Variants in NSL1 observed in about 807,000 individuals in gnomAD.
NSL1 encodes the protein NSL1 component of MIS12 kinetochore complex.
In NSL1, 11 loss-of-function variants were observed where a neutral mutation model predicts 25.4. The observed-to-expected ratio is 0.43, with a 90% CI of 0.27 to 0.72. The LOEUF is 0.72. NSL1 is among the 30% of genes least tolerant of loss of function. The probability of loss-of-function intolerance (pLI) is 0.19; values close to 1 mark genes in which losing one functional copy is unlikely to be tolerated. For missense variants in NSL1, 330 were observed against 342.7 expected (o/e 0.96, Z 0.29); for synonymous variants, 118 against 120.6 (o/e 0.98, Z 0.14).
chr1:212,735,460 A>C lies in NSL1; in HGVS notation c.*2948T>G, dbSNP rs1346832088. On this transcript the variant is annotated 3_prime_UTR_variant, in exon 6 of 6. Coordinates refer to ENST00000366977, the MANE Select transcript of NSL1 (RefSeq NM_015471.4). ...TGAAATCATACTGTTTGAAGCAATA[A>C]AAAATTTGGTTTTATTCACTTTGTC... 1 of 985,330 alleles carries C rather than the reference A, an allele frequency of 1.0e-6. No individual in the cohort carries two copies. Among genetic ancestry groups the C allele is most frequent in the Admixed American group, 6.1e-5 (1 of 16,268 alleles). 61.0% of individuals were successfully genotyped at this position (985,330 alleles called of 1,614,324 possible). A position where few individuals can be genotyped will look rare whatever the true frequency, so the allele number is the denominator to read the frequency against.
Position 212,737,916 on chromosome 1 carries a change from T to C in NSL1, c.*492A>G, listed in dbSNP as rs982691873. On this transcript the variant is annotated 3_prime_UTR_variant, in exon 6 of 6. Coordinates refer to ENST00000366977, the MANE Select transcript of NSL1 (RefSeq NM_015471.4). The stretch of plus-strand genomic sequence containing the variant: ...CCAGTATTATCATCAGCACATTAAT[T>C]TGATAAATCAAACTACATCTTTAAA... The C allele has an allele frequency of 1.3e-4, 130 of 985,594 alleles. No individual in the cohort carries two copies. In the African/African-American group the frequency reaches 2.1e-3, roughly 16 times the overall value. The allele number at this position is 985,594 out of a possible 1,614,324, so 61.1% of individuals were successfully genotyped here.
At position 212,732,874 on chromosome 1, in the gene NSL1, T is replaced by C. The variant is rs1208535028; in HGVS notation, c.*5534A>G. ...TGACTGTGTATAAAAGCCTAGGTTG[T>C]ATATCATTTATGCTGAGAATATTTC... On this transcript the variant is annotated 3_prime_UTR_variant, in exon 6 of 6. Transcript: ENST00000366977. Among the ~76,000 whole-genome samples the C allele has an allele frequency of 3.3e-5, 5 of 152,232 alleles. No individual in the cohort carries two copies. The highest frequency in any genetic ancestry group is 6.5e-5 in the Admixed American group (1 of 15,290).
At chr1:212,741,983 G>A (rs1658526981) in intron 4 of NSL1, among the ~76,000 whole-genome samples, 1 of 152,010 alleles carries the variant, frequency 6.6e-6, no homozygotes, top group Non-Finnish European at 1.5e-5. Context: ...TACAATGCCT[G>A]GAAGACATCA....
rs147775510 is a variant in NSL1 at position 212,730,747 on chromosome 1, C to A, written c.*7661G>T. 67 of 985,332 alleles carry A rather than the reference C, an allele frequency of 6.8e-5. No individual in the cohort carries two copies. Among genetic ancestry groups the A allele is most frequent in the East Asian group, 3.4e-4 (3 of 8,812 alleles). The allele number at this position is 985,332 out of a possible 1,614,324, so 61.0% of individuals were successfully genotyped here. On this transcript the variant is annotated 3_prime_UTR_variant, in exon 6 of 6. Coordinates refer to ENST00000366977, the MANE Select transcript of NSL1 (RefSeq NM_015471.4). ...GGGAATTAGACTTAGTTCTAGTAGA[C>A]GTAGTTCTAGTAGACAGGAGACTCT...
intron 4 of NSL1, among the ~76,000 whole-genome samples, chr1:212,778,737 C>G (rs1006537800): frequency 1.2e-4 from 18 of 152,032 alleles, no homozygotes; most frequent in Admixed American, 9.8e-4. Context: ...GTGGCGTGAT[C>G]TCGGCTCGCT....
rs1266425262 is a variant in NSL1, at chr1:212,729,074, AT to A, written c.*9333del. ...TGGGTTGGGCTTACAAGAAAAATAA[AT>A]TGCAGTAAGTGTTAAAACTTGCCAG... is the stretch of plus-strand genomic sequence containing the variant. On this transcript the variant is annotated 3_prime_UTR_variant, in exon 6 of 6. Transcript: ENST00000366977. The A allele has an allele frequency of 1.0e-6, 1 of 985,344 alleles. No individual in the cohort carries two copies. Among genetic ancestry groups the A allele is most frequent in the Non-Finnish European group, 1.2e-6 (1 of 829,930 alleles). 61.0% of individuals were successfully genotyped at this position (985,344 alleles called of 1,614,324 possible).
intron 4 of NSL1, among the ~76,000 whole-genome samples, chr1:212,747,336 C>T (rs1658847835): frequency 6.6e-6 from 1 of 152,212 alleles, no homozygotes; most frequent in African/African-American, 2.4e-5. Context: ...ATTCCCTATG[C>T]CTTTCAGATC....
At chr1:212,770,521 A>G (rs1381211115) in intron 4 of NSL1, among the ~76,000 whole-genome samples, 1 of 152,152 alleles carries the variant, frequency 6.6e-6, no homozygotes, top group African/African-American at 2.4e-5. Flanking sequence ...TGAATAGACC[A>G]ATAACACATA....
In NSL1 at chr1:212,731,981, A is replaced by G. The variant is rs1455185089; in HGVS notation, c.*6427T>C. On this transcript the variant is annotated 3_prime_UTR_variant, in exon 6 of 6. Transcript: ENST00000366977. The stretch of plus-strand genomic sequence containing the variant: ...TCTAACTGTTCAGTGCCTGTGCTGT[A>G]CTAATTGCTAATTCCCATCCTTTAG... 5.1e-6 allele frequency: 5 copies of G among 984,232 alleles called. No individual in the cohort carries two copies. The highest frequency in any genetic ancestry group is 3.6e-6 in the Non-Finnish European group (3 of 829,800). 61.0% of individuals were successfully genotyped at this position (984,232 alleles called of 1,614,324 possible). A position where few individuals can be genotyped will look rare whatever the true frequency, so the allele number is the denominator to read the frequency against.
At chr1:212,768,527 A>C (rs1263922955) in intron 4 of NSL1, among the ~76,000 whole-genome samples, 1 of 152,174 alleles carries the variant, frequency 6.6e-6, no homozygotes, top group East Asian at 1.9e-4. Context: ...AGAAAATGTG[A>C]ATCCTACTCA....
At chr1:212,787,975 T>G (rs1253247372) in intron 1 of NSL1, among the ~76,000 whole-genome samples, 1 of 152,206 alleles carries the variant, frequency 6.6e-6, no homozygotes, top group Non-Finnish European at 1.5e-5. Context: ...AAGTACTATA[T>G]ATGCTGCTGA....
intron 4 of NSL1, among the ~76,000 whole-genome samples, chr1:212,744,841 A>G (rs532129472): frequency 1.3e-5 from 2 of 152,292 alleles, no homozygotes; most frequent in Admixed American, 1.3e-4. Flanking sequence ...CAAGCCCATC[A>G]ATATATGCAT....
chr1:212,728,089 CCT>C lies in NSL1; in HGVS notation c.*10317_*10318del. On this transcript the variant is annotated 3_prime_UTR_variant, in exon 6 of 6. Coordinates refer to ENST00000366977, the MANE Select transcript of NSL1 (RefSeq NM_015471.4). ...CCAGGCACTTCCCTTCTCATCTCCACCTCTTTCTCATGAAATGGGCGTGGTAA... is the reference window on the plus strand; with the variant it reads ...CCAGGCACTTCCCTTCTCATCTCCACCTTTCTCATGAAATGGGCGTGGTAA... 1.0e-6 allele frequency: 1 copy of C among 984,094 alleles called. No homozygotes were observed. Among genetic ancestry groups the C allele is most frequent in the African/African-American group, 1.7e-5 (1 of 57,318 alleles). 61.0% of individuals were successfully genotyped at this position (984,094 alleles called of 1,614,324 possible). A position where few individuals can be genotyped will look rare whatever the true frequency, so the allele number is the denominator to read the frequency against.
At position 212,765,428 on chromosome 1, in the gene NSL1, AAC is replaced by A. The variant is rs148826649; in HGVS notation, c.499+16942_499+16943del. Among the ~76,000 whole-genome samples, 782 of 152,356 alleles carry A rather than the reference AAC, an allele frequency of 5.1e-3. 4 individuals are homozygous for A. Among genetic ancestry groups the A allele is most frequent in the African/African-American group, 0.018 (745 of 41,572 alleles). The stretch of plus-strand genomic sequence containing the variant: ...CAAACTAGGGATGCAGGGATGGTTT[AAC>A]ATATGCAAGTCAATAAACATGCTAC... On this transcript the variant is annotated intron_variant, in intron 4 of 5. Coordinates refer to ENST00000366977, the MANE Select transcript of NSL1 (RefSeq NM_015471.4).
chr1:212,727,197 G>T lies in NSL1; in HGVS notation c.*11211C>A, dbSNP rs762938084. The stretch of plus-strand genomic sequence containing the variant: ...CTTGGCTCCTAATGTGTTAAATGGG[G>T]GTGAATGGAATTTAGAAGATCTCTT... On this transcript the variant is annotated 3_prime_UTR_variant, in exon 6 of 6. Transcript: ENST00000366977. The T allele has an allele frequency of 6.5e-7, 1 of 1,533,050 alleles. No individual in the cohort carries two copies. The highest frequency in any genetic ancestry group is 8.8e-7 in the Non-Finnish European group (1 of 1,139,238). The allele number at this position is 1,533,050 out of a possible 1,614,324, so 95.0% of individuals were successfully genotyped here.
rs540375280 is a variant in NSL1, at chr1:212,760,073, A to G, written c.500-20472T>C. ...AGACAACAGACCACCAAGACAACAG[A>G]CCATCGCCAGTGCCCAATCATACTG... On this transcript the variant is annotated intron_variant, in intron 4 of 5. Coordinates refer to ENST00000366977, the MANE Select transcript of NSL1 (RefSeq NM_015471.4). This position sits in a 1 kb window ranked among gnomAD's most constrained non-coding sequence, Gnocchi z 4.3. Among the ~76,000 whole-genome samples the G allele has an allele frequency of 1.3e-4, 19 of 152,000 alleles. No homozygotes were observed. Among genetic ancestry groups the G allele is most frequent in the African/African-American group, 4.6e-4 (19 of 41,452 alleles).
At chr1:212,758,939 A>T (rs1176804534) in intron 4 of NSL1, among the ~76,000 whole-genome samples, 2 of 152,254 alleles carry the variant, frequency 1.3e-5, no homozygotes, top group African/African-American at 4.8e-5. Context: ...GGACAGACAA[A>T]GATCAATGAA....
chr1:212,773,021 T>C (rs1660196202), intron 4 of NSL1, among the ~76,000 whole-genome samples: 2 of 152,156 alleles, frequency 1.3e-5, no homozygotes, highest in Non-Finnish European at 2.9e-5. Context: ...GACTCCTATC[T>C]TTCATCATAG....
chr1:212,745,844 A>G (rs1044653497), intron 4 of NSL1, among the ~76,000 whole-genome samples: 1 of 152,178 alleles, frequency 6.6e-6, no homozygotes, highest in Non-Finnish European at 1.5e-5. Context: ...ACATGCCTGT[A>G]GTCCCAGCTA....
Sources: allele counts gnomAD v4.1 joint callset (sites outside exome capture counted in the v4.1 genomes callset), GRCh38; gene constraint gnomAD v4.1.1; non-coding constraint Gnocchi (gnomAD v3.1); transcripts MANE v1.5; gene names NCBI Gene and HGNC (gene_info 2026-07-23, HGNC 2026-07-21).